Variants in SLC25A26 observed in about 807,000 individuals in gnomAD.
The protein encoded by SLC25A26 is mitochondrial S-adenosylmethionine carrier protein.
A neutral mutation model predicts 37.8 loss-of-function variants in SLC25A26; 36 were observed. The observed-to-expected ratio is 0.95, with a 90% confidence interval of 0.73 to 1.26. SLC25A26 has a LOEUF of 1.26. SLC25A26 is among the 50% of genes most tolerant of loss of function. The pLI, the probability that SLC25A26 is intolerant of heterozygous loss-of-function variation, is 0.00. For synonymous variants in SLC25A26, 129 were observed against 122.5 expected, an observed-to-expected ratio of 1.05 and a Z score of -0.35; for missense variants, 390 against 331.1, an observed-to-expected ratio of 1.18 and a Z score of -1.38.
chr3:66,220,766 T>C (rs1335017292), upstream of SLC25A26: 6 of 440,232 alleles, frequency 1.4e-5, no homozygotes, highest in South Asian at 5.1e-5. Flanking sequence ...GGCCTCATTC[T>C]ACCGCTGCTC....
At chr3:66,231,000 C>T (rs955220806) in intron 1 of SLC25A26, among the ~76,000 whole-genome samples, 18 of 152,164 alleles carry the variant, frequency 1.2e-4, no homozygotes, top group Non-Finnish European at 2.2e-4. Flanking sequence ...CAGGGTGAAA[C>T]TCTGCTTCTG....
chr3:66,242,081 T>A (rs2072611665), intron 2 of SLC25A26, among the ~76,000 whole-genome samples: 1 of 152,152 alleles, frequency 6.6e-6, no homozygotes, highest in Non-Finnish European at 1.5e-5. Flanking sequence ...GGTTTGGAAC[T>A]TATATTCTTA....
At chr3:66,330,128 G>A (rs537386021) in intron 5 of SLC25A26, among the ~76,000 whole-genome samples, 9 of 152,278 alleles carry the variant, frequency 5.9e-5, no homozygotes, top group Middle Eastern at 3.4e-3. Context: ...TAGCCTGGCA[G>A]ATAGGATGCA....
intron 1 of SLC25A26, among the ~76,000 whole-genome samples, chr3:66,135,504 A>G (rs1213266713): frequency 1.3e-5 from 2 of 152,224 alleles, no homozygotes; most frequent in African/African-American, 2.4e-5. Flanking sequence ...ACAGTGGCTC[A>G]TGCCTGTATT....
At chr3:66,191,112 A>G (rs1249127835) in intron 1 of SLC25A26, among the ~76,000 whole-genome samples, 2 of 152,208 alleles carry the variant, frequency 1.3e-5, no homozygotes, top group African/African-American at 4.8e-5. Flanking sequence ...ACATATGAGT[A>G]TGTGTCATTC....
intron 1 of SLC25A26, among the ~76,000 whole-genome samples, chr3:66,154,540 CTTTTT>C (rs60639995): frequency 1.5e-4 from 20 of 130,388 alleles, no homozygotes; most frequent in Admixed American, 2.4e-4. Flanking sequence ...TTCTTTTTTT[CTTTTT>C]TTTTTTTTTT....
intron 1 of SLC25A26, among the ~76,000 whole-genome samples, chr3:66,165,132 G>T (rs569536693): frequency 1.3e-5 from 2 of 152,318 alleles, no homozygotes; most frequent in East Asian, 3.9e-4. Flanking sequence ...ATATTGTGAT[G>T]ACACTTAAGT....
intron 1 of SLC25A26, among the ~76,000 whole-genome samples, chr3:66,148,073 A>G (rs2070146450): frequency 6.6e-6 from 1 of 152,214 alleles, no homozygotes; most frequent in South Asian, 2.1e-4. Context: ...TGACTTTTAA[A>G]TTATGGCCAT....
intron 6 of SLC25A26, among the ~76,000 whole-genome samples, chr3:66,362,009 C>A (rs1474005070): frequency 6.6e-6 from 1 of 152,048 alleles, no homozygotes; most frequent in Non-Finnish European, 1.5e-5. Flanking sequence ...AATACTGCAA[C>A]ACACTTGCTA....
chr3:66,150,601 GAGATATATATATATATAT>G (rs1365566450), intron 1 of SLC25A26, among the ~76,000 whole-genome samples: 7 of 40,844 alleles, frequency 1.7e-4, no homozygotes, highest in South Asian at 9.4e-4. Flanking sequence ...TATATGTAAT[GAGATATATATATATATAT>G]ATATATATAT....
intron 5 of SLC25A26, among the ~76,000 whole-genome samples, chr3:66,290,060 A>G (rs545737270): frequency 6.6e-6 from 1 of 151,970 alleles, no homozygotes; most frequent in Non-Finnish European, 1.5e-5. Context: ...AGTCCTAGGT[A>G]TTTTATTTCC....
chr3:66,221,483 A>G (rs1171039857), intron 1 of SLC25A26, among the ~76,000 whole-genome samples: 2 of 152,210 alleles, frequency 1.3e-5, no homozygotes, highest in Admixed American at 6.5e-5. Context: ...ATGTAACACA[A>G]CAACAAAAAC....
chr3:66,349,456 C>CTATT (rs2076400694), intron 6 of SLC25A26, among the ~76,000 whole-genome samples: 1 of 150,700 alleles, frequency 6.6e-6, no homozygotes, highest in Non-Finnish European at 1.5e-5. Flanking sequence ...ATACAGGGTA[C>CTATT]TATTATACCA....
chr3:66,305,526 C>T (rs971187844), intron 5 of SLC25A26, among the ~76,000 whole-genome samples: 1 of 152,090 alleles, frequency 6.6e-6, no homozygotes, highest in Non-Finnish European at 1.5e-5. Flanking sequence ...TAAATATGTG[C>T]TATGGTGGTT....
intron 5 of SLC25A26, among the ~76,000 whole-genome samples, chr3:66,315,168 T>A (rs9846100): frequency 0.019 from 2,858 of 151,794 alleles, 101 homozygotes; most frequent in African/African-American, 0.065. Context: ...CTGCTAGCTT[T>A]GGGGTTTGTT....
At chr3:66,182,414 A>G (rs556866461) in intron 1 of SLC25A26, among the ~76,000 whole-genome samples, 4 of 152,120 alleles carry the variant, frequency 2.6e-5, no homozygotes, top group South Asian at 2.1e-4. Context: ...GGCAATTCCC[A>G]ATGAAACGGG....
At chr3:66,187,471 C>A (rs1315303784) in intron 1 of SLC25A26, among the ~76,000 whole-genome samples, 1 of 152,072 alleles carries the variant, frequency 6.6e-6, no homozygotes, top group Non-Finnish European at 1.5e-5. Flanking sequence ...GAAACTTACC[C>A]TTATCCTTAT....
At position 66,264,911 on chromosome 3, in the gene SLC25A26, C is replaced by T. The variant is rs78911601; in HGVS notation, c.453+1532C>T. On this transcript the variant is annotated intron_variant, in intron 5 of 9. Coordinates refer to ENST00000354883, the MANE Select transcript of SLC25A26 (RefSeq NM_001379210.1). ...AAGCCACTTCACCTCTCTTTGCCTT[C>T]TAACTCTAAATTTCTGTGATTCAAC... 6.6e-4 allele frequency among the ~76,000 whole-genome samples: 100 copies of T among 152,346 alleles called. No homozygotes were observed. In the East Asian group the frequency reaches 0.01, roughly 15 times the overall value.
chr3:66,377,263 A>G lies in SLC25A26; in HGVS notation c.708-427A>G, dbSNP rs116122622. Reference sequence around the variant, plus strand: ...CTTTCATGCCTTTAGACAGAAAAGGAACACAGGGAATCCATGGAGGTTCAA... The same window carrying G: ...CTTTCATGCCTTTAGACAGAAAAGGGACACAGGGAATCCATGGAGGTTCAA... On this transcript the variant is annotated intron_variant, in intron 9 of 9. Transcript: ENST00000354883. Among the ~76,000 whole-genome samples, 776 of 152,240 alleles carry G rather than the reference A, an allele frequency of 5.1e-3. 11 individuals are homozygous for G. The highest frequency in any genetic ancestry group is 0.014 in the African/African-American group (569 of 41,542).
Sources: allele counts gnomAD v4.1 joint callset (sites outside exome capture counted in the v4.1 genomes callset), GRCh38; gene constraint gnomAD v4.1.1; transcripts MANE v1.5; gene names NCBI Gene and HGNC (gene_info 2026-07-23, HGNC 2026-07-21).